Variants in POLM observed in about 807,000 individuals in gnomAD.
POLM encodes DNA-directed DNA/RNA polymerase mu.
A neutral mutation model predicts 56.7 loss-of-function variants in POLM; 52 were observed. That is an observed-to-expected ratio of 0.92 (90% CI 0.73 to 1.15). The LOEUF (loss-of-function observed/expected upper bound fraction) is 1.15, where lower values mean the gene tolerates loss of function less well. Ranked by LOEUF, POLM falls within the 50% of genes most tolerant of loss-of-function variation. The pLI is 0.00. For synonymous variants in POLM, 273 were observed against 274.3 expected (o/e 1.00, Z 0.05); for missense variants, 660 against 663.6 (o/e 0.99, Z 0.06).
chr7:44,074,580 G>A lies in POLM; in HGVS notation c.836-50C>T, dbSNP rs111848400. The A allele has an allele frequency of 1.5e-4, 218 of 1,496,816 alleles. No homozygotes were observed. In the African/African-American group the frequency reaches 2.4e-3, roughly 16 times the overall value. 92.7% of individuals were successfully genotyped at this position (1,496,816 alleles called of 1,614,324 possible). ...ACTCACCCAGCCTGCCCACCACACC[G>A]AGCCCCCATCCCTCACCAGCATGAG... On this transcript the variant is annotated intron_variant, in intron 6 of 10. Coordinates refer to ENST00000242248, the MANE Select transcript of POLM (RefSeq NM_013284.4).
At position 44,074,171 on chromosome 7, in the gene POLM, G is replaced by C; in HGVS notation, c.1031C>G (p.Ala344Gly). The C allele has an allele frequency of 6.2e-7, 1 of 1,602,784 alleles. No individual in the cohort carries two copies. Among genetic ancestry groups the C allele is most frequent in the Non-Finnish European group, 8.5e-7 (1 of 1,175,474 alleles). ...LITHPKEGQE[A>G]GLLPRVMCRL... ...GCACATCACTCTAGGCAGCAGCCCC[G>C]CCTCCTGACCCTCCTTGGGGTGGGT... Residue 344 changes from alanine (A) to glycine (G), a missense_variant, in exon 8 of 11, where the codon GCG becomes GGG. Ala to Gly is a moderately conservative substitution (Grantham distance 60). Coordinates refer to ENST00000242248, the MANE Select transcript of POLM (RefSeq NM_013284.4).
intron 5 of POLM, among the ~76,000 whole-genome samples, chr7:44,077,446 G>T (rs1424843303): frequency 6.6e-6 from 1 of 152,250 alleles, no homozygotes; most frequent in African/African-American, 2.4e-5. Context: ...ACGGTGTGGG[G>T]TGGGTCACTG....
chr7:44,073,553 G>A, intron 10 of POLM, 72 bp downstream of exon 10: 1 of 1,605,764 alleles, frequency 6.2e-7, no homozygotes, highest in Non-Finnish European at 8.5e-7. Context: ...AGGGGTCTGG[G>A]GCCATTTCAG....
chr7:44,079,514 C>T lies in POLM; in HGVS notation c.642+57G>A, dbSNP rs1586023816. The T allele has an allele frequency of 2.5e-5, 39 of 1,552,734 alleles. 1 individual carries two copies. In the East Asian group the frequency reaches 8.6e-4, roughly 34 times the overall value. Reference sequence around the variant, plus strand: ...CCCACAGCACCCTCTGCTGTCTCACCAGGCCCCAAGGCCTCCCCACCCACC... The same window carrying T: ...CCCACAGCACCCTCTGCTGTCTCACTAGGCCCCAAGGCCTCCCCACCCACC... On this transcript the variant is annotated intron_variant, in intron 4 of 10. Transcript: ENST00000242248.
Position 44,073,677 on chromosome 7 carries a change from C to A in POLM, c.1346G>T (p.Arg449Leu). The A allele has an allele frequency of 6.2e-7, 1 of 1,614,182 alleles. No homozygotes were observed. Among genetic ancestry groups the A allele is most frequent in the Non-Finnish European group, 8.5e-7 (1 of 1,180,010 alleles). The change falls in exon 10 of 11, where the codon CGG (arginine) becomes CTG (leucine). Residue 449 changes from arginine to leucine, a missense_variant. Physicochemically the swap from Arg to Leu is moderately radical, Grantham distance 102. Coordinates refer to ENST00000242248, the MANE Select transcript of POLM (RefSeq NM_013284.4). ...LFQRELRRFS[R>L]KEKGLWLNSH... Reference sequence around the variant, plus strand: ...GTTCAGCCACAGGCCCTTCTCCTTCCGGCTGAAGCGGCGCAGCTCCCGCTG... The same window carrying A: ...GTTCAGCCACAGGCCCTTCTCCTTCAGGCTGAAGCGGCGCAGCTCCCGCTG...
In POLM at chr7:44,073,135, T is replaced by G; in HGVS notation, c.*156A>C. On this transcript the variant is annotated 3_prime_UTR_variant, in exon 11 of 11. Coordinates refer to ENST00000242248, the MANE Select transcript of POLM (RefSeq NM_013284.4). ...TGCAGCACACCAGCAGGGGCTCAAC[T>G]GATCCTGCAGGCACAATTGACCTCC... The G allele has an allele frequency of 2.0e-6, 3 of 1,509,218 alleles. No homozygotes were observed. Among genetic ancestry groups the G allele is most frequent in the Non-Finnish European group, 1.8e-6 (2 of 1,128,234 alleles). 93.5% of individuals were successfully genotyped at this position (1,509,218 alleles called of 1,614,324 possible).
At chr7:44,079,522 A>G (rs1232568843) in intron 4 of POLM, 49 bp downstream of exon 4, 1 of 1,563,340 alleles carries the variant, frequency 6.4e-7, no homozygotes. Flanking sequence ...ACCAGGCCCC[A>G]AGGCCTCCCC....
At chr7:44,076,262 A>C in intron 6 of POLM, 1 of 444,698 alleles carries the variant, frequency 2.2e-6, no homozygotes, top group East Asian at 4.4e-5. Flanking sequence ...CACTGGTCAA[A>C]GTCTAACCAG....
At chr7:44,081,983 G>C (rs1334617170) in intron 1 of POLM, among the ~76,000 whole-genome samples, 2 of 152,120 alleles carry the variant, frequency 1.3e-5, no homozygotes, top group Admixed American at 1.3e-4. Flanking sequence ...CTGACCTCGT[G>C]ATCTGCCCGC....
chr7:44,077,647 A>G (rs1198725575), intron 5 of POLM, among the ~76,000 whole-genome samples: 3 of 151,744 alleles, frequency 2.0e-5, no homozygotes, highest in Non-Finnish European at 4.4e-5. Flanking sequence ...CAGGCCCCTC[A>G]CTCCCACACT....
intron 4 of POLM, 28 bp downstream of exon 4, chr7:44,079,542 CT>C: frequency 1.3e-6 from 2 of 1,546,000 alleles, no homozygotes; most frequent in Non-Finnish European, 1.8e-6. Context: ...CACCCACCCA[CT>C]CACCCTGCTA....
intron 2 of POLM, 59 bp from the exon 3 acceptor site, chr7:44,080,018 C>T (rs1380352828): frequency 7.9e-7 from 1 of 1,262,994 alleles, no homozygotes; most frequent in Non-Finnish European, 1.1e-6. Flanking sequence ...GAGAGCCAGG[C>T]CGTACTCAGG....
intron 4 of POLM, 33 bp downstream of exon 4, chr7:44,079,538 C>T (rs1352001781): frequency 2.0e-6 from 3 of 1,474,342 alleles, no homozygotes; most frequent in Non-Finnish European, 1.9e-6. Flanking sequence ...TCCCCACCCA[C>T]CCACTCACCC....
In POLM at chr7:44,080,724, C is replaced by A. The variant is rs778236239; in HGVS notation, c.372+9G>T. 9.3e-6 allele frequency: 15 copies of A among 1,613,368 alleles called. No individual in the cohort carries two copies. Among genetic ancestry groups the A allele is most frequent in the Non-Finnish European group, 1.2e-5 (14 of 1,179,670 alleles). On this transcript the variant is annotated intron_variant, in intron 2 of 10. Transcript: ENST00000242248. Reference sequence around the variant, plus strand: ...TGTAGCCCCCACTTTAGTCTTCCACCCAGCTCACCTCCAGGCGGTGCCGGC... The same window carrying A: ...TGTAGCCCCCACTTTAGTCTTCCACACAGCTCACCTCCAGGCGGTGCCGGC...
In POLM at chr7:44,073,661, C is replaced by A. The variant is rs1271733841; in HGVS notation, c.1362G>T (p.Leu454=). 6.2e-7 allele frequency: 1 copy of A among 1,614,094 alleles called. No homozygotes were observed. The highest frequency in any genetic ancestry group is 1.3e-5 in the African/African-American group (1 of 74,944). Residue 454 remains leucine (L), a synonymous_variant, in exon 10 of 11, where the codon CTG becomes CTT. Coordinates refer to ENST00000242248, the MANE Select transcript of POLM (RefSeq NM_013284.4). The stretch of plus-strand genomic sequence containing the variant: ...CAAACAGCCCATGGCTGTTCAGCCA[C>A]AGGCCCTTCTCCTTCCGGCTGAAGC... ...LRRFSRKEKG[L]WLNSHGLFDP...
chr7:44,080,137 C>T (rs988125118), intron 2 of POLM, among the ~76,000 whole-genome samples, 178 bp from the exon 3 acceptor site: 6 of 152,222 alleles, frequency 3.9e-5, no homozygotes, highest in Non-Finnish European at 8.8e-5. Flanking sequence ...CCCTGCAGAA[C>T]AGGCTGTGCA....
chr7:44,072,934 A>C lies in POLM; in HGVS notation c.*357T>G. ...TTAACTGCAGTGCAACTAATGAGAC[A>C]CTGCACATCAGGGACCACTTGCCAT... is the stretch of plus-strand genomic sequence containing the variant. On this transcript the variant is annotated 3_prime_UTR_variant, in exon 11 of 11. Transcript: ENST00000242248. The C allele has an allele frequency of 1.8e-6, 1 of 545,856 alleles. No individual in the cohort carries two copies. Among genetic ancestry groups the C allele is most frequent in the South Asian group, 3.5e-5 (1 of 28,524 alleles). The allele number at this position is 545,856 out of a possible 1,614,324, so 33.8% of individuals were successfully genotyped here.
chr7:44,082,111 G>GC, intron 1 of POLM, 140 bp downstream of exon 1: 1 of 710,098 alleles, frequency 1.4e-6, no homozygotes, highest in East Asian at 3.4e-5. Context: ...AACACGCCTC[G>GC]CCCTAATTAA....
Position 44,079,925 on chromosome 7 carries a change from G to C in POLM, c.407C>G (p.Ala136Gly). ...CTGGCAGGCATAGGCAGGCATCCAT[G>C]CTGGGCTCAGAGGCCCCTTCCTTGG... is the stretch of plus-strand genomic sequence containing the variant. ...AGPRKGPLSP[A>G]WMPAYACQRP... is the part of the protein sequence containing the mutation. Residue 136 changes from alanine to glycine, a missense_variant, in exon 3 of 11, where the codon GCA becomes GGA. Transcript: ENST00000242248. The C allele has an allele frequency of 1.2e-6, 2 of 1,613,924 alleles. No individual in the cohort carries two copies. Among genetic ancestry groups the C allele is most frequent in the South Asian group, 1.1e-5 (1 of 91,074 alleles).
Sources: gnomAD v4.1 joint callset for allele counts (sites outside exome capture counted in the v4.1 genomes callset) on GRCh38, gnomAD v4.1.1 for gene constraint, MANE v1.5 for transcripts, NCBI Gene and HGNC (gene_info 2026-07-23, HGNC 2026-07-21) for gene names.